Variants in HHAT observed in about 807,000 individuals in gnomAD.
HHAT encodes protein-cysteine N-palmitoyltransferase HHAT.
In HHAT, 47 loss-of-function variants were observed where a neutral mutation model predicts 70.8. The ratio of observed to expected loss-of-function variants is 0.66; its 90% CI spans 0.53 to 0.85. The LOEUF (loss-of-function observed/expected upper bound fraction) is 0.85. Among genes scored for constraint, HHAT ranks in the 40% least tolerant of loss-of-function variants. HHAT has a pLI of 0.00. For missense variants in HHAT, 609 were observed against 604.8 expected (o/e 1.01, Z -0.07); for synonymous variants, 228 against 247.6 (o/e 0.92, Z 0.74).
rs897453391 is a variant in HHAT, at chr1:210,675,265, T to C, written c.*886T>C. 1 of 152,208 alleles carries C rather than the reference T, an allele frequency of 6.6e-6. No homozygotes were observed. Among genetic ancestry groups the C allele is most frequent in the Non-Finnish European group, 1.5e-5 (1 of 68,036 alleles). The allele number at this position is 152,208 out of a possible 1,614,324, so 9.4% of individuals were successfully genotyped here. A position where few individuals can be genotyped will look rare whatever the true frequency, so the allele number is the denominator to read the frequency against. On this transcript the variant is annotated 3_prime_UTR_variant, in exon 12 of 12. Coordinates refer to ENST00000261458, the MANE Select transcript of HHAT (RefSeq NM_018194.6). The stretch of plus-strand genomic sequence containing the variant: ...ATTCACGTTTAGTGGTTTATATTAT[T>C]AAGGTTTGATTCAAACAGAGCCTTT...
chr1:210,356,447 CT>C (rs1398962303), intron 2 of HHAT, among the ~76,000 whole-genome samples: 2 of 151,424 alleles, frequency 1.3e-5, no homozygotes, highest in Non-Finnish European at 2.9e-5. Flanking sequence ...TAAATAAACT[CT>C]AGCACCGGGG....
chr1:210,439,150 C>T (rs1159766765), intron 7 of HHAT, among the ~76,000 whole-genome samples: 1 of 151,876 alleles, frequency 6.6e-6, no homozygotes, highest in East Asian at 1.9e-4. Context: ...ATCCTCAGCC[C>T]ACAGAGAATG....
At chr1:210,598,422 G>A (rs1271460723) in intron 10 of HHAT, among the ~76,000 whole-genome samples, 1 of 152,200 alleles carries the variant, frequency 6.6e-6, no homozygotes, top group East Asian at 1.9e-4. Context: ...ATTAGTCCTT[G>A]TTGCCTGGAC....
At chr1:210,403,733 G>A (rs546425146) in intron 5 of HHAT, among the ~76,000 whole-genome samples, 1 of 152,146 alleles carries the variant, frequency 6.6e-6, no homozygotes, top group South Asian at 2.1e-4. Flanking sequence ...TGGAAAACAT[G>A]GAAAATGTAG....
chr1:210,446,238 G>T (rs1251250379), intron 7 of HHAT, among the ~76,000 whole-genome samples: 1 of 152,204 alleles, frequency 6.6e-6, no homozygotes, highest in African/African-American at 2.4e-5. Context: ...TTGGAGGTCA[G>T]ATTGCCTGAG....
intron 9 of HHAT, among the ~76,000 whole-genome samples, chr1:210,513,511 C>T (rs1287114254): frequency 3.9e-5 from 6 of 152,138 alleles, no homozygotes; most frequent in Non-Finnish European, 8.8e-5. Flanking sequence ...TAAACAACCC[C>T]CTTAACCAAT....
intron 10 of HHAT, among the ~76,000 whole-genome samples, chr1:210,617,372 A>G (rs1437847421): frequency 1.3e-5 from 2 of 152,254 alleles, no homozygotes; most frequent in Admixed American, 6.5e-5. Flanking sequence ...GAGTAGAGGC[A>G]CATAATGTGC....
chr1:210,637,812 A>G (rs1672159347), intron 11 of HHAT, among the ~76,000 whole-genome samples: 1 of 141,596 alleles, frequency 7.1e-6, no homozygotes, highest in South Asian at 2.5e-4. Flanking sequence ...GTGAGCCAAG[A>G]TTGTGCCTCT....
At chr1:210,578,763 C>G (rs1658494612) in intron 9 of HHAT, among the ~76,000 whole-genome samples, 1 of 152,092 alleles carries the variant, frequency 6.6e-6, no homozygotes, top group Non-Finnish European at 1.5e-5. Context: ...ATACATAAGG[C>G]TATGAAGGCG....
chr1:210,366,261 G>A lies in HHAT; in HGVS notation c.159+3342G>A, dbSNP rs75409058. ...GCTGTTGTGGTGAGCTGCTCTGGAC[G>A]TTGTACAATGCTTATCAGAGTCCCT... On this transcript the variant is annotated intron_variant, in intron 3 of 11. Transcript: ENST00000261458. Among the ~76,000 whole-genome samples the A allele has an allele frequency of 5.0e-3, 754 of 152,160 alleles. 6 individuals are homozygous for A. The highest frequency in any genetic ancestry group is 0.017 in the African/African-American group (717 of 41,512).
chr1:210,630,644 C>A (rs137963867), intron 11 of HHAT, among the ~76,000 whole-genome samples: 1 of 152,208 alleles, frequency 6.6e-6, no homozygotes, highest in East Asian at 1.9e-4. Flanking sequence ...CTCTCCCACC[C>A]GCTCTCAGTC....
At chr1:210,666,794 T>C (rs974795070) in intron 11 of HHAT, among the ~76,000 whole-genome samples, 1 of 152,028 alleles carries the variant, frequency 6.6e-6, no homozygotes, top group African/African-American at 2.4e-5. Flanking sequence ...TACCATCATT[T>C]TAAAAATGAA....
chr1:210,366,842 C>T (rs1388328294), intron 3 of HHAT, among the ~76,000 whole-genome samples: 1 of 152,192 alleles, frequency 6.6e-6, no homozygotes, highest in Non-Finnish European at 1.5e-5. Context: ...CTGTCCGGCC[C>T]TTACTCAGAC....
At chr1:210,525,577 A>G (rs1205866938) in intron 9 of HHAT, among the ~76,000 whole-genome samples, 1 of 152,152 alleles carries the variant, frequency 6.6e-6, no homozygotes, top group Non-Finnish European at 1.5e-5. Flanking sequence ...TGTTAGAATT[A>G]TTTGTCTTCC....
At chr1:210,508,161 T>C (rs1275133532) in intron 8 of HHAT, among the ~76,000 whole-genome samples, 2 of 135,688 alleles carry the variant, frequency 1.5e-5, no homozygotes, top group Admixed American at 8.5e-5. Context: ...ATCATGCCAC[T>C]GCACTCCAGC....
intron 3 of HHAT, chr1:210,374,153 TCTGCCTCCCCAGGG>T (rs2089917879): frequency 6.6e-6 from 1 of 152,186 alleles, no homozygotes; most frequent in Non-Finnish European, 1.5e-5. Context: ...TAAAACATGA[TCTGCCTCCCCAGGG>T]CAAGGCTTAC....
chr1:210,374,032 G>C (rs138252076), intron 3 of HHAT: 4 of 152,188 alleles, frequency 2.6e-5, no homozygotes, highest in African/African-American at 9.7e-5. Context: ...TGGAAAACAA[G>C]AGTTAACTGT....
chr1:210,495,193 T>C (rs957461775), intron 8 of HHAT, among the ~76,000 whole-genome samples: 3 of 151,704 alleles, frequency 2.0e-5, no homozygotes, highest in African/African-American at 7.3e-5. Context: ...TGTAATAGAT[T>C]ATAAACTTTA....
chr1:210,464,387 G>T (rs1387803275), intron 7 of HHAT, 118 bp from the exon 8 acceptor site: 2 of 928,020 alleles, frequency 2.2e-6, no homozygotes, highest in Non-Finnish European at 3.4e-6. Flanking sequence ...GCGAGTTGAA[G>T]GGAGGAAGGG....
Sources: allele counts gnomAD v4.1 joint callset (sites outside exome capture counted in the v4.1 genomes callset), GRCh38; gene constraint gnomAD v4.1.1; transcripts MANE v1.5; gene names NCBI Gene and HGNC (gene_info 2026-07-23, HGNC 2026-07-21).